The following BCL9L variants were observed in gnomAD, a reference collection of about 807,000 sequenced individuals.
BCL9L encodes the protein B-cell CLL/lymphoma 9-like protein.
BCL9L carries 19 observed loss-of-function variants against 99.4 expected under a neutral mutation model. That is an observed-to-expected ratio of 0.19 (90% CI 0.13 to 0.28). BCL9L has a LOEUF of 0.28. BCL9L is among the 10% of genes least tolerant of loss of function. The pLI is 1.00. For missense variants in BCL9L, 2,023 were observed against 2,101.6 expected (o/e 0.96, Z 0.73); for synonymous variants, 900 against 854.8 (o/e 1.05, Z -0.92).
intron 5 of BCL9L, 122 bp downstream of exon 5, chr11:118,907,361 G>A (rs921052103): frequency 1.3e-5 from 20 of 1,507,338 alleles, no homozygotes; most frequent in Admixed American, 1.7e-5. Context: ...AGTCTGAGAG[G>A]TAGGATGGGA....
In BCL9L at chr11:118,908,601, G is replaced by T; in HGVS notation, c.81C>A (p.Arg27=). 6.2e-7 allele frequency: 1 copy of T among 1,613,304 alleles called. No homozygotes were observed. The highest frequency in any genetic ancestry group is 8.5e-7 in the Non-Finnish European group (1 of 1,179,896). Reference sequence around the variant, plus strand: ...TGGCTGGGGCAGGGGGGCAATGACCGCGGGGGGACAGCGGCGGGCTCCCTG... The same window carrying T: ...TGGCTGGGGCAGGGGGGCAATGACCTCGGGGGGACAGCGGCGGGCTCCCTG... ...EAPGSPPLSP[R]GHCPPAPAKP... is the part of the protein sequence containing the mutation. The change falls in exon 4 of 10, where the codon CGC becomes CGA. Residue 27 remains arginine (R), a synonymous_variant. Transcript: ENST00000683865.
At chr11:118,909,698 C>T (rs993076277) in intron 3 of BCL9L, among the ~76,000 whole-genome samples, 1 of 152,022 alleles carries the variant, frequency 6.6e-6, no homozygotes, top group Non-Finnish European at 1.5e-5. Context: ...GTCCCCTCTG[C>T]CCCCCACCCA....
At position 118,898,119 on chromosome 11, in the gene BCL9L, A is replaced by G. The variant is rs879134529; in HGVS notation, c.*296T>C. 1 of 534,062 alleles carries G rather than the reference A, an allele frequency of 1.9e-6. No homozygotes were observed. Among genetic ancestry groups the G allele is most frequent in the Non-Finnish European group, 3.4e-6 (1 of 295,648 alleles). The allele number at this position is 534,062 out of a possible 1,614,324, so 33.1% of individuals were successfully genotyped here. ...TGAAGGGGGTGTGGCGGGTGCAGGGATGCACGGAAAGAGGTAAAATAGAGA... is the reference window on the plus strand; with the variant it reads ...TGAAGGGGGTGTGGCGGGTGCAGGGGTGCACGGAAAGAGGTAAAATAGAGA... On this transcript the variant is annotated 3_prime_UTR_variant, in exon 10 of 10. Transcript: ENST00000683865.
At position 118,899,126 on chromosome 11, in the gene BCL9L, G is replaced by C. The variant is rs200803594; in HGVS notation, c.3789C>G (p.Pro1263=). 1.5e-4 allele frequency: 235 copies of C among 1,548,512 alleles called. No homozygotes were observed. Among genetic ancestry groups the C allele is most frequent in the Non-Finnish European group, 1.8e-4 (206 of 1,146,456 alleles). The part of the protein sequence containing the change: ...QHYPSGMALP[P]EDLPNQPPGP... The stretch of plus-strand genomic sequence containing the variant: ...CTGGCGGCTGGTTGGGCAGGTCCTC[G>C]GGAGGCAGGGCCATGCCTGACGGGT... Residue 1263 remains proline, a synonymous_variant, in exon 10 of 10, where the codon CCC becomes CCG. Coordinates refer to ENST00000683865, the MANE Select transcript of BCL9L (RefSeq NM_001378213.1).
chr11:118,909,429 A>G (rs1940683903), intron 3 of BCL9L, among the ~76,000 whole-genome samples: 1 of 152,068 alleles, frequency 6.6e-6, no homozygotes, highest in Admixed American at 6.5e-5. Context: ...GAGGATATTT[A>G]TCCCCCCTCA....
In BCL9L at chr11:118,901,573, G is replaced by C. The variant is rs746773010; in HGVS notation, c.2170C>G (p.Pro724Ala). The stretch of plus-strand genomic sequence containing the variant: ...CCCTCACCACCAGCCATCTGCCCGG[G>C]AAACATGGCAGGATCCATCTGTCGG... ...AHRQMDPAMF[P>A]GQMAGGEGLA... The change falls in exon 8 of 10, where the codon CCC becomes GCC. Residue 724 changes from proline (P) to alanine (A), a missense_variant. Physicochemically the swap from Pro to Ala is conservative, Grantham distance 27. Around this residue, in one of 3 missense-constraint regions of BCL9L, gnomAD observed 1,116 missense variants for 1,194.6 expected, o/e 0.93. Transcript: ENST00000683865. The surrounding 1 kb of genome is among the most constrained non-coding windows in gnomAD (Gnocchi z 6.6). The C allele has an allele frequency of 6.2e-6, 10 of 1,614,132 alleles. No individual in the cohort carries two copies. Among genetic ancestry groups the C allele is most frequent in the Non-Finnish European group, 7.6e-6 (9 of 1,180,002 alleles).
Position 118,898,362 on chromosome 11 carries a change from T to C in BCL9L, c.*53A>G. The C allele has an allele frequency of 6.7e-7, 1 of 1,500,352 alleles. No homozygotes were observed. Among genetic ancestry groups the C allele is most frequent in the Non-Finnish European group, 9.0e-7 (1 of 1,114,254 alleles). 92.9% of individuals were successfully genotyped at this position (1,500,352 alleles called of 1,614,324 possible). ...CCCAACATTGAGGGGAAGAACTTTG[T>C]TAAGGTTATCGTATTTGCAACATTG... On this transcript the variant is annotated 3_prime_UTR_variant, in exon 10 of 10. Transcript: ENST00000683865.
Position 118,914,653 on chromosome 11 carries a change from G to T in BCL9L, c.-77+4173C>A, listed in dbSNP as rs585123. 6.6e-6 allele frequency among the ~76,000 whole-genome samples: 1 copy of T among 152,204 alleles called. No homozygotes were observed. ...CAGAAGGCCACACGGGGTTTCTGGT[G>T]TCAGTCCTGGCACCCTCAGGCAAGA... is the stretch of plus-strand genomic sequence containing the variant. On this transcript the variant is annotated intron_variant, in intron 2 of 9. Coordinates refer to ENST00000683865, the MANE Select transcript of BCL9L (RefSeq NM_001378213.1). The surrounding 1 kb of genome is among the most constrained non-coding windows in gnomAD (Gnocchi z 4.4).
At chr11:118,909,327 C>A (rs947698180) in intron 3 of BCL9L, among the ~76,000 whole-genome samples, 2 of 152,200 alleles carry the variant, frequency 1.3e-5, no homozygotes, top group African/African-American at 4.8e-5. Flanking sequence ...GCAGCCTAGG[C>A]TGCGGGCCCT....
rs906170191 is a variant in BCL9L, at chr11:118,899,201, G to A, written c.3714C>T (p.Ala1238=). ...CGCCCCCACCCCCAGTGGGGGCCAT[G>A]GCACCATGGGGCTGCTGCAGCCGAG... ...FPPRLQQPHG[A]MAPTGGGGGG... is the part of the protein sequence containing the mutation. Residue 1238 remains alanine, a synonymous_variant, in exon 10 of 10, where the codon GCC becomes GCT. Transcript: ENST00000683865. 4 of 1,495,114 alleles carry A rather than the reference G, an allele frequency of 2.7e-6. No individual in the cohort carries two copies. The Admixed American group carries it at 7.2e-5, about 27-fold the overall frequency. 92.6% of individuals were successfully genotyped at this position (1,495,114 alleles called of 1,614,324 possible).
intron 2 of BCL9L, among the ~76,000 whole-genome samples, chr11:118,912,128 C>T (rs1411742591): frequency 1.3e-5 from 2 of 152,222 alleles, no homozygotes; most frequent in Non-Finnish European, 2.9e-5. Flanking sequence ...GAGTCTGCCC[C>T]AGCTCCCGAA....
At position 118,916,986 on chromosome 11, in the gene BCL9L, A is replaced by G. The variant is rs139831833; in HGVS notation, c.-77+1840T>C. 7.9e-5 allele frequency among the ~76,000 whole-genome samples: 12 copies of G among 152,362 alleles called. No individual in the cohort carries two copies. In the East Asian group the frequency reaches 1.3e-3, roughly 17 times the overall value. ...GAGGAGTGCTGAGCTGAACTGAGCA[A>G]ACAGCCTCAGGGAGGAGGGCTGGCC... is the stretch of plus-strand genomic sequence containing the variant. On this transcript the variant is annotated intron_variant, in intron 2 of 9. Transcript: ENST00000683865.
intron 2 of BCL9L, among the ~76,000 whole-genome samples, chr11:118,915,580 C>G (rs1278375179): frequency 6.6e-6 from 1 of 152,172 alleles, no homozygotes; most frequent in Non-Finnish European, 1.5e-5. Context: ...GAGCATGAAC[C>G]CAGAGAGGGG....
chr11:118,900,327 G>T lies in BCL9L; in HGVS notation c.3125-129C>A. On this transcript the variant is annotated intron_variant, in intron 8 of 9. Coordinates refer to ENST00000683865, the MANE Select transcript of BCL9L (RefSeq NM_001378213.1). This position sits in a 1 kb window ranked among gnomAD's most constrained non-coding sequence, Gnocchi z 5.3. The stretch of plus-strand genomic sequence containing the variant: ...ACCTGGTCCTTCAGACACACCCACA[G>T]GCCCCCACTATCTCCAGAGCCCACC... 1 of 1,183,332 alleles carries T rather than the reference G, an allele frequency of 8.5e-7. No individual in the cohort carries two copies. Among genetic ancestry groups the T allele is most frequent in the East Asian group, 2.6e-5 (1 of 38,816 alleles). The allele number at this position is 1,183,332 out of a possible 1,614,324, so 73.3% of individuals were successfully genotyped here. A position where few individuals can be genotyped will look rare whatever the true frequency, so the allele number is the denominator to read the frequency against.
At chr11:118,918,598 C>T (rs1941045978) in intron 2 of BCL9L, among the ~76,000 whole-genome samples, 1 of 152,000 alleles carries the variant, frequency 6.6e-6, no homozygotes, top group Non-Finnish European at 1.5e-5. Context: ...CCACTCCCCA[C>T]CTGACTGGGT....
chr11:118,906,474 AACATT>A, intron 5 of BCL9L, among the ~76,000 whole-genome samples: 1 of 152,164 alleles, frequency 6.6e-6, no homozygotes, highest in South Asian at 2.1e-4. Context: ...CTCACTCCAT[AACATT>A]TGCTGACTCT....
In BCL9L at chr11:118,908,484, G is replaced by A. The variant is rs1267382720; in HGVS notation, c.198C>T (p.Pro66=). ...CGCCCTTCGAGCCCACGTTGCAGGT[G>A]GGTCCTTGGTTCACATTCTGGTGCT... is the stretch of plus-strand genomic sequence containing the variant. The part of the protein sequence containing the change: ...QSQHQNVNQG[P]TCNVGSKGVG... Residue 66 remains proline (P), a synonymous_variant, in exon 4 of 10, where the codon CCC becomes CCT. Coordinates refer to ENST00000683865, the MANE Select transcript of BCL9L (RefSeq NM_001378213.1). 6.2e-7 allele frequency: 1 copy of A among 1,614,036 alleles called. No individual in the cohort carries two copies. The highest frequency in any genetic ancestry group is 1.3e-5 in the African/African-American group (1 of 74,922).
Position 118,903,751 on chromosome 11 carries a change from C to T in BCL9L, c.533-299G>A, listed in dbSNP as rs1204528978. On this transcript the variant is annotated intron_variant, in intron 5 of 9. Coordinates refer to ENST00000683865, the MANE Select transcript of BCL9L (RefSeq NM_001378213.1). This position sits in a 1 kb window ranked among gnomAD's most constrained non-coding sequence, Gnocchi z 5.6. ...CACCCTGGGAGGAACGTGTCACACA[C>T]TCCACTTAACAAAGGAGGAAATAAG... 6.6e-6 allele frequency among the ~76,000 whole-genome samples: 1 copy of T among 152,212 alleles called. No individual in the cohort carries two copies. Among genetic ancestry groups the T allele is most frequent in the Non-Finnish European group, 1.5e-5 (1 of 68,044 alleles).
Position 118,902,602 on chromosome 11 carries a change from C to T in BCL9L, c.1141G>A (p.Gly381Arg). 1.2e-6 allele frequency: 2 copies of T among 1,600,076 alleles called. No homozygotes were observed. The highest frequency in any genetic ancestry group is 1.7e-6 in the Non-Finnish European group (2 of 1,179,814). Residue 381 changes from glycine (G) to arginine (R), a missense_variant, in exon 8 of 10, where the codon GGG (glycine) becomes AGG (arginine). Physicochemically the swap from Gly to Arg is moderately radical, Grantham distance 125. Around this residue, in one of 3 missense-constraint regions of BCL9L, gnomAD observed 1,116 missense variants for 1,194.6 expected, o/e 0.93. Transcript: ENST00000683865. This position sits in a 1 kb window ranked among gnomAD's most constrained non-coding sequence, Gnocchi z 7.8. ...CCATTTCCAGGGGCGGCTGCCTCCC[C>T]CAGCAGGGCAGGGCCGGGGGCACTG... ...PSSAPGPALLGEAAAPGNGQR... is the reference protein window; with the variant it reads ...PSSAPGPALLREAAAPGNGQR...
Sources: gnomAD v4.1 joint callset for allele counts (sites outside exome capture counted in the v4.1 genomes callset) on GRCh38, gnomAD v4.1.1 for gene constraint, gnomAD v4.1.1 regional missense constraint, Gnocchi (gnomAD v3.1) non-coding constraint, MANE v1.5 for transcripts, NCBI Gene and HGNC (gene_info 2026-07-23, HGNC 2026-07-21) for gene names.